Variants in MICAL3 observed in about 807,000 individuals in gnomAD.
MICAL3 encodes microtubule associated monooxygenase, calponin and LIM domain containing 3.
MICAL3 carries 62 observed loss-of-function variants against 207.4 expected under a neutral mutation model. The ratio of observed to expected loss-of-function variants is 0.30; its 90% confidence interval spans 0.24 to 0.37. The LOEUF is 0.37. MICAL3 is among the 10% of genes least tolerant of loss of function. The probability of loss-of-function intolerance (pLI) is 1.00; values close to 1 mark genes in which losing one functional copy is unlikely to be tolerated. For missense variants in MICAL3, 2,368 were observed against 2,635.6 expected (o/e 0.90, Z 2.22); for synonymous variants, 1,077 against 1,069.3 (o/e 1.01, Z -0.14).
rs1923112238 is a variant in MICAL3, at chr22:18,002,587, C to T, written c.-75+21694G>A. On this transcript the variant is annotated intron_variant, in intron 1 of 31. Coordinates refer to ENST00000441493, the MANE Select transcript of MICAL3 (RefSeq NM_015241.3). ...GGCGGAGGTTGAACTGAGCCCAGAT[C>T]GTGCCATTGCACTCCAGCCTGGACA... is the stretch of plus-strand genomic sequence containing the variant. Among the ~76,000 whole-genome samples the T allele has an allele frequency of 2.0e-5, 3 of 151,674 alleles. No individual in the cohort carries two copies. In the South Asian group the frequency reaches 6.3e-4, roughly 32 times the overall value.
At chr22:17,875,981 T>C (rs1424138248) in intron 16 of MICAL3, among the ~76,000 whole-genome samples, 1 of 152,200 alleles carries the variant, frequency 6.6e-6, no homozygotes, top group Non-Finnish European at 1.5e-5. Context: ...ATCACTCCAT[T>C]GGCCTTAGAA....
At chr22:17,888,537 C>T (rs1197343734) in intron 13 of MICAL3, among the ~76,000 whole-genome samples, 1 of 152,184 alleles carries the variant, frequency 6.6e-6, no homozygotes, top group Non-Finnish European at 1.5e-5. Flanking sequence ...CGAAAAGGGA[C>T]ATCGTTCTCC....
chr22:17,889,531 C>G (rs1043524415), intron 12 of MICAL3, among the ~76,000 whole-genome samples: 1 of 152,098 alleles, frequency 6.6e-6, no homozygotes, highest in East Asian at 1.9e-4. Flanking sequence ...AATGTGAGCT[C>G]GAGAATAGGG....
At chr22:17,990,353 CTG>C (rs1921536022) in intron 1 of MICAL3, among the ~76,000 whole-genome samples, 2 of 151,870 alleles carry the variant, frequency 1.3e-5, no homozygotes, top group Admixed American at 1.3e-4. Context: ...CCCCTGAAGA[CTG>C]TCTCTGGATG....
At chr22:17,797,074 C>G (rs186755183) in intron 29 of MICAL3, among the ~76,000 whole-genome samples, 1 of 152,334 alleles carries the variant, frequency 6.6e-6, no homozygotes, top group African/African-American at 2.4e-5. Context: ...AGCCCACACA[C>G]TGAACCTAGA....
At chr22:17,871,681 A>G (rs1927737306) in intron 17 of MICAL3, among the ~76,000 whole-genome samples, 156 bp downstream of exon 17, 1 of 152,180 alleles carries the variant, frequency 6.6e-6, no homozygotes, top group South Asian at 2.1e-4. Context: ...TTAGAGAAAG[A>G]GTGATGGAGG....
intron 1 of MICAL3, among the ~76,000 whole-genome samples, chr22:17,911,529 C>A (rs975231168): frequency 2.6e-5 from 4 of 152,040 alleles, no homozygotes; most frequent in African/African-American, 9.7e-5. Context: ...CTCATCTAAA[C>A]AGATCTTGAA....
intron 1 of MICAL3, among the ~76,000 whole-genome samples, chr22:18,002,919 G>A (rs1387703988): frequency 1.3e-5 from 2 of 152,184 alleles, no homozygotes; most frequent in Non-Finnish European, 2.9e-5. Flanking sequence ...CACTTTGGGA[G>A]GCCAAGGCAG....
intron 1 of MICAL3, among the ~76,000 whole-genome samples, chr22:17,953,899 C>T (rs193080616): frequency 7.4e-6 from 1 of 134,908 alleles, no homozygotes; most frequent in East Asian, 2.2e-4. Flanking sequence ...CCACTGCATT[C>T]CAGCCCAGGT....
intron 1 of MICAL3, among the ~76,000 whole-genome samples, chr22:17,926,005 A>C (rs1932916460): frequency 1.3e-5 from 2 of 152,252 alleles, no homozygotes; most frequent in African/African-American, 4.8e-5. Context: ...TGACTTGGAA[A>C]ACATAAACGC....
Position 17,868,918 on chromosome 22 carries a change from G to C in MICAL3, c.2429-2906C>G, listed in dbSNP as rs142248711. Among the ~76,000 whole-genome samples the C allele has an allele frequency of 3.3e-5, 5 of 152,012 alleles. No homozygotes were observed. In the East Asian group the frequency reaches 9.8e-4, roughly 30 times the overall value. ...CACAGACGCATGGATGAGACAGTGCGAGCCCTGCATGGAGAACCACACAGG... is the reference window on the plus strand; with the variant it reads ...CACAGACGCATGGATGAGACAGTGCCAGCCCTGCATGGAGAACCACACAGG... On this transcript the variant is annotated intron_variant, in intron 17 of 31. Coordinates refer to ENST00000441493, the MANE Select transcript of MICAL3 (RefSeq NM_015241.3).
Position 18,007,725 on chromosome 22 carries a change from G to A in MICAL3, c.-75+16556C>T, listed in dbSNP as rs141671000. Among the ~76,000 whole-genome samples the A allele has an allele frequency of 9.1e-3, 1,380 of 151,732 alleles. 10 individuals are homozygous for A. The highest frequency in any genetic ancestry group is 0.027 in the African/African-American group (1,116 of 41,370). On this transcript the variant is annotated intron_variant, in intron 1 of 31. Coordinates refer to ENST00000441493, the MANE Select transcript of MICAL3 (RefSeq NM_015241.3). Reference sequence around the variant, plus strand: ...TCCCAGCACTTTGGGAGGCCGAGGCGGGTGGATCATGAGGTCAGGTGATCG... The same window carrying A: ...TCCCAGCACTTTGGGAGGCCGAGGCAGGTGGATCATGAGGTCAGGTGATCG...
Position 17,879,979 on chromosome 22 carries a change from T to C in MICAL3, c.2241+5899A>G, listed in dbSNP as rs566487774. The stretch of plus-strand genomic sequence containing the variant: ...GGGTAAAGACCTGCAGGTAGGGACA[T>C]GGCCTTGCTCATCCGAGGAGCCAGA... On this transcript the variant is annotated intron_variant, in intron 16 of 31. Coordinates refer to ENST00000441493, the MANE Select transcript of MICAL3 (RefSeq NM_015241.3). Among the ~76,000 whole-genome samples, 4 of 152,316 alleles carry C rather than the reference T, an allele frequency of 2.6e-5. No homozygotes were observed. In the South Asian group the frequency reaches 8.3e-4, roughly 32 times the overall value.
In MICAL3 at chr22:17,803,889, GT is replaced by G. The variant is rs1211137255; in HGVS notation, c.5650+4954del. On this transcript the variant is annotated intron_variant, in intron 29 of 31. Transcript: ENST00000441493. ...ACAACAAGGAATCGGTGAAGAGAGA[GT>G]TATTCCATCAGGTAGTCCTCCTGTC... 3.1e-6 allele frequency: 3 copies of G among 977,368 alleles called. No homozygotes were observed. In the Admixed American group the frequency reaches 1.8e-4, roughly 60 times the overall value. The allele number at this position is 977,368 out of a possible 1,614,324, so 60.5% of individuals were successfully genotyped here. A position where few individuals can be genotyped will look rare whatever the true frequency, so the allele number is the denominator to read the frequency against.
chr22:17,974,616 T>G (rs757009998), intron 1 of MICAL3, among the ~76,000 whole-genome samples: 2 of 151,314 alleles, frequency 1.3e-5, no homozygotes, highest in South Asian at 4.2e-4. Context: ...TCCAGCTACT[T>G]GGGAGGCTGA....
chr22:17,981,560 C>A (rs1935908833), intron 1 of MICAL3, among the ~76,000 whole-genome samples: 1 of 152,018 alleles, frequency 6.6e-6, no homozygotes, highest in African/African-American at 2.4e-5. Flanking sequence ...ATAAACCCAG[C>A]CCTAATGTGT....
intron 1 of MICAL3, among the ~76,000 whole-genome samples, chr22:18,010,636 T>G (rs452911): frequency 2.0e-4 from 30 of 151,938 alleles, no homozygotes; most frequent in African/African-American, 7.3e-4. Context: ...CCCTTTTCTT[T>G]TCTTAGCTCC....
At chr22:17,970,188 G>A (rs1376844016) in intron 1 of MICAL3, among the ~76,000 whole-genome samples, 2 of 152,208 alleles carry the variant, frequency 1.3e-5, no homozygotes, top group Non-Finnish European at 2.9e-5. Context: ...TCTCAGCCTG[G>A]TGAGAAGGGA....
intron 19 of MICAL3, among the ~76,000 whole-genome samples, chr22:17,845,714 C>T (rs1924565978): frequency 6.6e-6 from 1 of 152,204 alleles, no homozygotes; most frequent in African/African-American, 2.4e-5. Flanking sequence ...AGGAGATCAC[C>T]ATGCTGTCCC....
Sources: gnomAD v4.1 joint callset for allele counts (sites outside exome capture counted in the v4.1 genomes callset) on GRCh38, gnomAD v4.1.1 for gene constraint, MANE v1.5 for transcripts, NCBI Gene and HGNC (gene_info 2026-07-23, HGNC 2026-07-21) for gene names.